ARID1B: variants seen among roughly 807,000 people sequenced by gnomAD.
ARID1B encodes AT-rich interactive domain-containing protein 1B.
A neutral mutation model predicts 212.3 loss-of-function variants in ARID1B; 30 were observed. The ratio of observed to expected loss-of-function variants is 0.14; its 90% confidence interval spans 0.11 to 0.19. ARID1B has a LOEUF of 0.19. Among genes scored for constraint, ARID1B ranks in the 10% least tolerant of loss-of-function variants. ARID1B has a pLI of 1.00. For missense variants in ARID1B, 2,891 were observed against 3,204.0 expected (o/e 0.90, Z 2.36); for synonymous variants, 1,402 against 1,301.7 (o/e 1.08, Z -1.66).
Position 156,829,313 on chromosome 6 carries a change from T to C in ARID1B, c.1878T>C (p.Ser626=), listed in dbSNP as rs2128046361. 6.2e-7 allele frequency: 1 copy of C among 1,614,224 alleles called. No individual in the cohort carries two copies. The highest frequency in any genetic ancestry group is 1.7e-5 in the Admixed American group (1 of 60,020). The stretch of plus-strand genomic sequence containing the variant: ...CTCATTCTCAGCCTCAGCAGAGCAG[T>C]CCGTACCCAGGAGGTTCCTATGGCC... ...SNPHSQPQQS[S]PYPGGSYGPP... is the part of the protein sequence containing the mutation. The change falls in exon 2 of 20, where the codon AGT becomes AGC. Residue 626 remains serine (S), a synonymous_variant. Coordinates refer to ENST00000636930, the MANE Select transcript of ARID1B (RefSeq NM_001374828.1).
At chr6:156,931,744 C>T (rs1791735607) in intron 3 of ARID1B, among the ~76,000 whole-genome samples, 1 of 152,088 alleles carries the variant, frequency 6.6e-6, no homozygotes, top group Non-Finnish European at 1.5e-5. Flanking sequence ...AGGCTGATCA[C>T]TTGAGGTTGG....
chr6:156,877,217 T>A (rs539217871), intron 2 of ARID1B, among the ~76,000 whole-genome samples: 1 of 152,322 alleles, frequency 6.6e-6, no homozygotes, highest in South Asian at 2.1e-4. Context: ...CTTTAGTGAA[T>A]ATCTGTTGTG....
chr6:157,123,244 C>CCCT (rs1562637118), intron 6 of ARID1B, among the ~76,000 whole-genome samples: 1 of 119,046 alleles, frequency 8.4e-6, no homozygotes, highest in Non-Finnish European at 1.7e-5. Flanking sequence ...CCCCGCCCCC[C>CCCT]CCCCACACAC....
Position 156,777,875 on chromosome 6 carries a change from C to T in ARID1B, c.195C>T (p.Gly65=), listed in dbSNP as rs1333686818. The change falls in exon 1 of 20, where the codon GGC becomes GGT. Residue 65 remains glycine (G), a synonymous_variant. Transcript: ENST00000636930. ...GPMLGGGGDG[G]GGLNSVHHHP... ...TGCTGGGGGGCGGCGGCGACGGCGG[C>T]GGCGGCCTGAACAGTGTGCACCACC... is the stretch of plus-strand genomic sequence containing the variant. 5 of 1,352,414 alleles carry T rather than the reference C, an allele frequency of 3.7e-6. No individual in the cohort carries two copies. The highest frequency in any genetic ancestry group is 3.9e-5 in the Admixed American group (1 of 25,630). The allele number at this position is 1,352,414 out of a possible 1,614,324, so 83.8% of individuals were successfully genotyped here. A position where few individuals can be genotyped will look rare whatever the true frequency, so the allele number is the denominator to read the frequency against.
intron 16 of ARID1B, among the ~76,000 whole-genome samples, chr6:157,196,969 C>T (rs1277476722): frequency 6.6e-6 from 1 of 152,184 alleles, no homozygotes; most frequent in Non-Finnish European, 1.5e-5. Context: ...ACTGATGATG[C>T]AGAGTGATTT....
intron 8 of ARID1B, among the ~76,000 whole-genome samples, chr6:157,162,989 G>A (rs531814655): frequency 2.6e-5 from 4 of 152,324 alleles, no homozygotes; most frequent in African/African-American, 7.2e-5. Flanking sequence ...AAGGGTCTGG[G>A]GGGAGGCTTT....
At chr6:157,010,284 T>G (rs980966863) in intron 4 of ARID1B, among the ~76,000 whole-genome samples, 2 of 89,224 alleles carry the variant, frequency 2.2e-5, no homozygotes, top group East Asian at 4.7e-4. Context: ...GCCTGTTTTT[T>G]TTTTTTTTTT....
rs150969210 is a variant in ARID1B at position 156,914,455 on chromosome 6, C to G, written c.2136+12930C>G. Among the ~76,000 whole-genome samples the G allele has an allele frequency of 2.3e-3, 351 of 152,348 alleles. 2 individuals are homozygous for G. The highest frequency in any genetic ancestry group is 8.1e-3 in the African/African-American group (336 of 41,584). On this transcript the variant is annotated intron_variant, in intron 3 of 19. Transcript: ENST00000636930. ...CCTGGGACGCCACCCTCTCCTGGCT[C>G]TCTTCCTACTTTGTGGCCGCTCCTT...
At chr6:156,960,017 G>A (rs1399476783) in intron 4 of ARID1B, among the ~76,000 whole-genome samples, 10 of 142,350 alleles carry the variant, frequency 7.0e-5, no homozygotes, top group African/African-American at 2.4e-4. Context: ...TGCAACCTCC[G>A]CCTCCCAGAT....
chr6:157,153,302 C>G (rs10485197), intron 8 of ARID1B, among the ~76,000 whole-genome samples: 4,406 of 152,188 alleles, frequency 0.029, 86 homozygotes, highest in Non-Finnish European at 0.039. Context: ...GTACTAGATT[C>G]ACTGTGCAGT....
chr6:157,175,028 T>G (rs778400285), intron 11 of ARID1B, 23 bp downstream of exon 11: 11 of 1,359,490 alleles, frequency 8.1e-6, no homozygotes, highest in Middle Eastern at 2.1e-4. Flanking sequence ...GGTTTTTTTT[T>G]GTTTTTTTTG....
chr6:156,932,305 G>C (rs1023417264), intron 3 of ARID1B, among the ~76,000 whole-genome samples: 1 of 152,126 alleles, frequency 6.6e-6, no homozygotes, highest in Non-Finnish European at 1.5e-5. Flanking sequence ...TCCATCAATG[G>C]TTAAAAGATT....
At position 157,207,382 on chromosome 6, in the gene ARID1B, C is replaced by T; in HGVS notation, c.6610C>T (p.Leu2204Phe). The change falls in exon 20 of 20, where the codon CTT becomes TTT. Residue 2204 changes from leucine (L) to phenylalanine (F), a missense_variant. By Grantham distance (22) the Leu-to-Phe change is conservative. Transcript: ENST00000636930. This position sits in a 1 kb window ranked among gnomAD's most constrained non-coding sequence, Gnocchi z 8.5. ...CAACTCGGTCCTGTCGCCTCAGAGA[C>T]TTGTGCTGGAGACCCTCTGTAAACT... The part of the protein sequence containing the change: ...GPNSVLSPQR[L>F]VLETLCKLSI... 1.2e-6 allele frequency: 2 copies of T among 1,614,216 alleles called. No homozygotes were observed. Among genetic ancestry groups the T allele is most frequent in the Non-Finnish European group, 1.7e-6 (2 of 1,180,048 alleles).
chr6:157,014,884 TAAA>T lies in ARID1B; in HGVS notation c.2248-69767_2248-69765del, dbSNP rs10601743. Among the ~76,000 whole-genome samples the T allele has an allele frequency of 3.5e-4, 50 of 142,114 alleles. No homozygotes were observed. In the South Asian group the frequency reaches 4.0e-3, roughly 11 times the overall value. 93.2% of individuals were successfully genotyped at this position (142,114 alleles called of 152,430 possible). A position where few individuals can be genotyped will look rare whatever the true frequency, so the allele number is the denominator to read the frequency against. Reference sequence around the variant, plus strand: ...ACTAGTCTCTGTATTATGCCAGGAATAAAAAAAAAAAAAGGATAGCACAATAAT... The same window carrying T: ...ACTAGTCTCTGTATTATGCCAGGAATAAAAAAAAAAGGATAGCACAATAAT... On this transcript the variant is annotated intron_variant, in intron 4 of 19. Transcript: ENST00000636930.
At chr6:156,929,760 G>A (rs549726820) in intron 3 of ARID1B, among the ~76,000 whole-genome samples, 4 of 152,274 alleles carry the variant, frequency 2.6e-5, no homozygotes, top group Admixed American at 2.6e-4. Flanking sequence ...TTTCTGACCT[G>A]ACGCTCTTTG....
intron 5 of ARID1B, among the ~76,000 whole-genome samples, chr6:157,108,374 G>C (rs117488312): frequency 6.6e-6 from 1 of 152,088 alleles, no homozygotes; most frequent in Non-Finnish European, 1.5e-5. Flanking sequence ...TCTAAGCCAC[G>C]GTGCCCTGTG....
intron 2 of ARID1B, among the ~76,000 whole-genome samples, chr6:156,831,211 G>A (rs1783115434): frequency 6.6e-6 from 1 of 152,224 alleles, no homozygotes; most frequent in Non-Finnish European, 1.5e-5. Flanking sequence ...AGCCCAGGCA[G>A]CTGGCTGCTC....
At chr6:157,133,356 G>A (rs1788684303) in intron 7 of ARID1B, 149 bp downstream of exon 7, 1 of 853,984 alleles carries the variant, frequency 1.2e-6, no homozygotes, top group Non-Finnish European at 1.7e-6. Context: ...CAAGCCCACA[G>A]TACTTTAGCT....
intron 2 of ARID1B, among the ~76,000 whole-genome samples, chr6:156,897,014 A>G (rs1488913799): frequency 6.6e-6 from 1 of 152,204 alleles, no homozygotes; most frequent in African/African-American, 2.4e-5. Context: ...CTGCATATTT[A>G]ACGTGATACA....
Sources: gnomAD v4.1 joint callset for allele counts (sites outside exome capture counted in the v4.1 genomes callset) on GRCh38, gnomAD v4.1.1 for gene constraint, Gnocchi (gnomAD v3.1) non-coding constraint, MANE v1.5 for transcripts, NCBI Gene and HGNC (gene_info 2026-07-23, HGNC 2026-07-21) for gene names.